The following WDR70 variants were observed in gnomAD, a reference collection of about 807,000 sequenced individuals.
WDR70 encodes the protein WD repeat-containing protein 70.
Under a neutral mutation model 88.6 loss-of-function variants are expected in WDR70, and 53 were observed. That is an observed-to-expected ratio of 0.60 (90% CI 0.48 to 0.75). The LOEUF (loss-of-function observed/expected upper bound fraction) is 0.75, where lower values mean the gene tolerates loss of function less well. WDR70 is among the 30% of genes least tolerant of loss of function. WDR70 has a pLI of 0.00. For synonymous variants in WDR70, 280 were observed against 270.0 expected (o/e 1.04, Z -0.36); for missense variants, 610 against 823.2 (o/e 0.74, Z 3.17).
At chr5:37,382,475 G>A (rs1414279515) in intron 3 of WDR70, among the ~76,000 whole-genome samples, 2 of 151,018 alleles carry the variant, frequency 1.3e-5, no homozygotes, top group African/African-American at 4.9e-5. Flanking sequence ...GCAGGGGTGC[G>A]ATCTTAGCTC....
chr5:37,525,473 T>C (rs1017375328), intron 9 of WDR70, among the ~76,000 whole-genome samples: 81 of 152,272 alleles, frequency 5.3e-4, no homozygotes, highest in Admixed American at 2.8e-3. Context: ...GGGACACATT[T>C]AAAGCAGTGT....
intron 5 of WDR70, among the ~76,000 whole-genome samples, chr5:37,425,142 C>A (rs145843393): frequency 1.3e-5 from 2 of 152,192 alleles, no homozygotes; most frequent in South Asian, 2.1e-4. Context: ...GCCACTCAGG[C>A]GGCTAAGGTG....
chr5:37,620,341 T>C (rs906850907), intron 10 of WDR70, among the ~76,000 whole-genome samples: 4 of 152,222 alleles, frequency 2.6e-5, no homozygotes, highest in African/African-American at 4.8e-5. Flanking sequence ...TGATGCTGCA[T>C]TGATGCTCAT....
intron 10 of WDR70, 90 bp from the exon 11 acceptor site, chr5:37,697,565 C>A: frequency 9.6e-7 from 1 of 1,040,594 alleles, no homozygotes; most frequent in Non-Finnish European, 1.5e-6. Context: ...GTATTATTTT[C>A]ATCGTAATAA....
intron 9 of WDR70, among the ~76,000 whole-genome samples, chr5:37,536,934 T>G (rs1446468812): frequency 6.6e-6 from 1 of 152,138 alleles, no homozygotes; most frequent in East Asian, 1.9e-4. Context: ...AAATGAAGAA[T>G]ATTTCCCTCA....
At chr5:37,707,948 A>AATATATATATATAT (rs70978841) in intron 13 of WDR70, among the ~76,000 whole-genome samples, 6 of 33,776 alleles carry the variant, frequency 1.8e-4, no homozygotes, top group Non-Finnish European at 2.6e-4. Context: ...AAAAAAAAAA[A>AATATATATATATAT]ATATATATAT....
At chr5:37,621,073 T>C (rs1275108951) in intron 10 of WDR70, among the ~76,000 whole-genome samples, 3 of 152,054 alleles carry the variant, frequency 2.0e-5, no homozygotes, top group African/African-American at 7.2e-5. Flanking sequence ...TACCAGATTG[T>C]TGGTATCTTG....
At chr5:37,546,628 A>T (rs1048371880) in intron 9 of WDR70, among the ~76,000 whole-genome samples, 1 of 152,202 alleles carries the variant, frequency 6.6e-6, no homozygotes, top group East Asian at 1.9e-4. Context: ...ATATTTATTT[A>T]TGAATTTAGA....
At chr5:37,521,765 T>G (rs1741101506) in intron 9 of WDR70, among the ~76,000 whole-genome samples, 1 of 151,702 alleles carries the variant, frequency 6.6e-6, no homozygotes, top group South Asian at 2.1e-4. Context: ...ATCAACTTGT[T>G]GATTGATGGG....
At chr5:37,529,544 T>A (rs1413325442) in intron 9 of WDR70, among the ~76,000 whole-genome samples, 1 of 152,124 alleles carries the variant, frequency 6.6e-6, no homozygotes, top group Non-Finnish European at 1.5e-5. Flanking sequence ...ATGTCCTTGG[T>A]TAGGTAAATT....
chr5:37,629,938 T>C (rs1744766539), intron 10 of WDR70, among the ~76,000 whole-genome samples: 1 of 152,232 alleles, frequency 6.6e-6, no homozygotes. Flanking sequence ...GACTTACTCA[T>C]ATAAATGGAT....
At chr5:37,507,580 G>T (rs1226546277) in intron 8 of WDR70, among the ~76,000 whole-genome samples, 1 of 152,104 alleles carries the variant, frequency 6.6e-6, no homozygotes, top group African/African-American at 2.4e-5. Context: ...ACCCTGTTGG[G>T]ATTTTCTTTG....
At chr5:37,472,484 G>A (rs1310099473) in intron 7 of WDR70, among the ~76,000 whole-genome samples, 2 of 151,906 alleles carry the variant, frequency 1.3e-5, no homozygotes, top group Non-Finnish European at 2.9e-5. Flanking sequence ...TATATACAAC[G>A]TGTAAAGTGT....
chr5:37,381,582 C>T lies in WDR70; in HGVS notation c.92-20C>T, dbSNP rs748286400. 3 of 1,604,870 alleles carry T rather than the reference C, an allele frequency of 1.9e-6. No homozygotes were observed. Among genetic ancestry groups the T allele is most frequent in the Middle Eastern group, 1.7e-4 (1 of 6,004 alleles). The stretch of plus-strand genomic sequence containing the variant: ...ACTTACTGCAAGACAATCACAGTCT[C>T]CCATTTGTTCATGTTTTAGGTAAAA... On this transcript the variant is annotated intron_variant, in intron 2 of 17. Transcript: ENST00000265107.
intron 10 of WDR70, among the ~76,000 whole-genome samples, chr5:37,611,086 A>G (rs1343596305): frequency 6.6e-6 from 1 of 152,188 alleles, no homozygotes; most frequent in African/African-American, 2.4e-5. Flanking sequence ...GTCTCTTAGA[A>G]GTCACTTCTC....
chr5:37,433,693 A>G (rs1750384100), intron 5 of WDR70, among the ~76,000 whole-genome samples: 1 of 152,204 alleles, frequency 6.6e-6, no homozygotes, highest in South Asian at 2.1e-4. Context: ...TGTTCATCAT[A>G]TTCATCTAGA....
At chr5:37,616,511 C>G (rs1239205676) in intron 10 of WDR70, among the ~76,000 whole-genome samples, 3 of 152,160 alleles carry the variant, frequency 2.0e-5, no homozygotes, top group Non-Finnish European at 2.9e-5. Flanking sequence ...ACACTCCACC[C>G]TATATGCCTC....
At chr5:37,547,650 T>C (rs537363103) in intron 9 of WDR70, among the ~76,000 whole-genome samples, 2 of 152,310 alleles carry the variant, frequency 1.3e-5, no homozygotes, top group African/African-American at 4.8e-5. Context: ...AATCCAGTTA[T>C]ACTTTTTTAG....
At chr5:37,675,829 T>G (rs1746187807) in intron 10 of WDR70, among the ~76,000 whole-genome samples, 1 of 152,092 alleles carries the variant, frequency 6.6e-6, no homozygotes, top group Admixed American at 6.5e-5. Flanking sequence ...TTGGGCAGTA[T>G]GGCCATTTTC....
Sources: allele counts gnomAD v4.1 joint callset (sites outside exome capture counted in the v4.1 genomes callset), GRCh38; gene constraint gnomAD v4.1.1; transcripts MANE v1.5; gene names NCBI Gene and HGNC (gene_info 2026-07-23, HGNC 2026-07-21).